MUC7: variants seen among roughly 807,000 people sequenced by gnomAD.
The protein encoded by MUC7 is mucin 7, secreted, also known as mucin-7.
A neutral mutation model predicts 2.5 loss-of-function variants in MUC7; 2 were observed. The ratio of observed to expected loss-of-function variants is 0.81; its 90% CI spans 0.33 to 2.55. MUC7 has a LOEUF of 2.55. Among genes scored for constraint, MUC7 ranks in the 30% most tolerant of loss-of-function variants. The pLI, the probability that MUC7 is intolerant of heterozygous loss-of-function variation, is 0.11. For missense variants in MUC7, 408 were observed against 455.6 expected, an observed-to-expected ratio of 0.90 and a Z score of 0.95; for synonymous variants, 133 against 173.4, an observed-to-expected ratio of 0.77 and a Z score of 1.83.
intron 1 of MUC7, among the ~76,000 whole-genome samples, chr4:70,457,289 T>C (rs1734438804): frequency 6.6e-6 from 1 of 152,052 alleles, no homozygotes; most frequent in African/African-American, 2.4e-5. Context: ...ACATACAATT[T>C]TTTTAAATTA....
intron 1 of MUC7, among the ~76,000 whole-genome samples, chr4:70,448,182 A>G (rs1283790936): frequency 1.3e-5 from 2 of 152,130 alleles, no homozygotes; most frequent in Admixed American, 6.6e-5. Flanking sequence ...TTATCCATTC[A>G]TCTGTTGGTA....
At chr4:70,477,523 T>C (rs1176504300) in intron 2 of MUC7, among the ~76,000 whole-genome samples, 2 of 152,214 alleles carry the variant, frequency 1.3e-5, no homozygotes, top group African/African-American at 2.4e-5. Context: ...CCTCTAGTTA[T>C]TTTAGGAGTC....
chr4:70,439,806 T>C (rs1033175462), intron 1 of MUC7, among the ~76,000 whole-genome samples: 2 of 152,098 alleles, frequency 1.3e-5, no homozygotes, highest in African/African-American at 2.4e-5. Flanking sequence ...TAATTGATAA[T>C]TCATTAGAAT....
intron 2 of MUC7, among the ~76,000 whole-genome samples, chr4:70,477,361 G>A (rs1735033623): frequency 1.3e-5 from 2 of 152,124 alleles, no homozygotes; most frequent in Non-Finnish European, 2.9e-5. Context: ...AGTGAGCTGA[G>A]ATCATGCCAC....
In MUC7 at chr4:70,482,485, G is replaced by C. The variant is rs1298090499; in HGVS notation, c.*607G>C. ...TTGATTTGAAGTGAGGATTAGAAGT[G>C]AATGACAATAAAGTCTGTCAGCCAA... On this transcript the variant is annotated 3_prime_UTR_variant, in exon 3 of 3. Transcript: ENST00000304887. The C allele has an allele frequency of 6.6e-6, 1 of 152,560 alleles. No individual in the cohort carries two copies. Among genetic ancestry groups the C allele is most frequent in the African/African-American group, 2.4e-5 (1 of 41,466 alleles). 9.5% of individuals were successfully genotyped at this position (152,560 alleles called of 1,614,324 possible).
chr4:70,453,924 T>C (rs975848077), intron 1 of MUC7, among the ~76,000 whole-genome samples: 8 of 152,140 alleles, frequency 5.3e-5, no homozygotes, highest in Non-Finnish European at 8.8e-5. Flanking sequence ...CCAGGTTGTG[T>C]CTAGAAACGT....
intron 1 of MUC7, among the ~76,000 whole-genome samples, chr4:70,450,179 C>T (rs1734245978): frequency 6.6e-6 from 1 of 152,216 alleles, no homozygotes; most frequent in African/African-American, 2.4e-5. Context: ...GCAGTCCTTC[C>T]ACCTCTTTCC....
chr4:70,458,526 C>CA (rs1338787528), intron 1 of MUC7, among the ~76,000 whole-genome samples: 3 of 151,498 alleles, frequency 2.0e-5, no homozygotes, highest in Non-Finnish European at 2.9e-5. Flanking sequence ...GAATTAATGG[C>CA]AATGATAATT....
intron 2 of MUC7, among the ~76,000 whole-genome samples, chr4:70,475,098 G>A (rs1275639269): frequency 6.6e-6 from 1 of 152,114 alleles, no homozygotes; most frequent in Non-Finnish European, 1.5e-5. Context: ...GGCCAACATG[G>A]TGAAACCCCG....
At chr4:70,433,082 G>T (rs1006908721) in intron 1 of MUC7, among the ~76,000 whole-genome samples, 2 of 152,022 alleles carry the variant, frequency 1.3e-5, no homozygotes, top group African/African-American at 4.8e-5. Context: ...CTGTTCCATT[G>T]GTCTATATAT....
intron 1 of MUC7, among the ~76,000 whole-genome samples, chr4:70,440,259 A>G (rs550410322): frequency 4.9e-4 from 74 of 152,336 alleles, no homozygotes; most frequent in African/African-American, 1.7e-3. Context: ...TTAGAAATAG[A>G]ACAGAAACAT....
At chr4:70,478,323 G>A (rs1735065651) in intron 2 of MUC7, among the ~76,000 whole-genome samples, 1 of 152,138 alleles carries the variant, frequency 6.6e-6, no homozygotes, top group South Asian at 2.1e-4. Context: ...AATAGCTAAT[G>A]AGTACCTGCC....
In MUC7 at chr4:70,481,501, G is replaced by C. The variant is rs1735186402; in HGVS notation, c.757G>C (p.Ala253Pro). The C allele has an allele frequency of 1.2e-6, 2 of 1,601,638 alleles. No homozygotes were observed. The highest frequency in any genetic ancestry group is 4.6e-5 in the East Asian group (2 of 43,762). Residue 253 changes from alanine to proline, a missense_variant, in exon 3 of 3, where the codon GCT becomes CCT. Around this residue, in one of 3 missense-constraint regions of MUC7, gnomAD observed 175 missense variants for 187.1 expected, o/e 0.94. Coordinates refer to ENST00000304887, the MANE Select transcript of MUC7 (RefSeq NM_152291.3). The stretch of plus-strand genomic sequence containing the variant: ...TACACCAGCTCCACTATCTTCCTCA[G>C]CTCCACCAGAGACCACAGCTGTCCC... The part of the protein sequence containing the change: ...ATTPAPLSSS[A>P]PPETTAVPPT...
At chr4:70,463,354 G>A (rs1380741089) in intron 1 of MUC7, among the ~76,000 whole-genome samples, 2 of 152,176 alleles carry the variant, frequency 1.3e-5, no homozygotes, top group African/African-American at 4.8e-5. Context: ...AACATAAAAA[G>A]CAGTTAGGCA....
At chr4:70,453,672 T>A (rs1370035459) in intron 1 of MUC7, among the ~76,000 whole-genome samples, 1 of 152,186 alleles carries the variant, frequency 6.6e-6, no homozygotes, top group Non-Finnish European at 1.5e-5. Flanking sequence ...TACTTTTCCC[T>A]CTGCTTTTCT....
chr4:70,462,625 T>G (rs1366005735), intron 1 of MUC7, among the ~76,000 whole-genome samples: 2 of 152,208 alleles, frequency 1.3e-5, no homozygotes, highest in Non-Finnish European at 2.9e-5. Context: ...AATTATCTTT[T>G]TTGCATATAT....
chr4:70,458,676 A>C (rs1372024042), intron 1 of MUC7, among the ~76,000 whole-genome samples: 1 of 152,138 alleles, frequency 6.6e-6, no homozygotes, highest in African/African-American at 2.4e-5. Flanking sequence ...ACAAAATGTA[A>C]AACAAGTTAA....
At chr4:70,450,997 A>G (rs1734265795) in intron 1 of MUC7, among the ~76,000 whole-genome samples, 1 of 50,566 alleles carries the variant, frequency 2.0e-5, no homozygotes, top group Non-Finnish European at 5.0e-5. Flanking sequence ...ACTGTCTCTG[A>G]GCTGGTTCAC....
intron 1 of MUC7, among the ~76,000 whole-genome samples, chr4:70,437,220 C>T (rs1733867586): frequency 6.6e-6 from 1 of 152,196 alleles, no homozygotes; most frequent in African/African-American, 2.4e-5. Context: ...CTGGAAGAAC[C>T]ACTGCTCTCT....
Sources: gnomAD v4.1 joint callset for allele counts (sites outside exome capture counted in the v4.1 genomes callset) on GRCh38, gnomAD v4.1.1 for gene constraint, gnomAD v4.1.1 regional missense constraint, MANE v1.5 for transcripts, NCBI Gene and HGNC (gene_info 2026-07-23, HGNC 2026-07-21) for gene names.